The following SLC44A1 variants were observed in gnomAD, a reference collection of about 807,000 sequenced individuals.
SLC44A1 encodes choline transporter-like protein 1.
In SLC44A1, 26 loss-of-function variants were observed where a neutral mutation model predicts 79.3. The ratio of observed to expected loss-of-function variants is 0.33; its 90% CI spans 0.24 to 0.46. The LOEUF (loss-of-function observed/expected upper bound fraction) is 0.46, where lower values mean the gene tolerates loss of function less well. Among genes scored for constraint, SLC44A1 ranks in the 20% least tolerant of loss-of-function variants. The pLI is 1.00. For missense variants in SLC44A1, 688 were observed against 798.1 expected (o/e 0.86, Z 1.66); for synonymous variants, 263 against 286.2 (o/e 0.92, Z 0.82).
At chr9:105,370,998 C>T (rs1386568548) in intron 12 of SLC44A1, among the ~76,000 whole-genome samples, 3 of 152,190 alleles carry the variant, frequency 2.0e-5, no homozygotes, top group Admixed American at 2.0e-4. Context: ...GCTCATTAGT[C>T]TCTTGATTAT....
chr9:105,300,961 G>A (rs1216369069), intron 2 of SLC44A1, among the ~76,000 whole-genome samples: 5 of 151,864 alleles, frequency 3.3e-5, no homozygotes, highest in Admixed American at 6.6e-5. Context: ...TTTTAGATGG[G>A]GTTTCACCGT....
chr9:105,424,435 C>T (rs1010495535), intron 15 of SLC44A1, among the ~76,000 whole-genome samples: 12 of 152,198 alleles, frequency 7.9e-5, no homozygotes, highest in African/African-American at 2.6e-4. Context: ...TGGGCTGGGG[C>T]GAGGAGTGGG....
At chr9:105,378,034 G>T (rs7030603) in intron 13 of SLC44A1, among the ~76,000 whole-genome samples, 1,872 of 152,268 alleles carry the variant, frequency 0.012, 45 homozygotes, top group African/African-American at 0.043. Context: ...GATCACTTGA[G>T]GTCAGGAGTT....
At chr9:105,285,384 AAT>A (rs1830449670) in intron 1 of SLC44A1, among the ~76,000 whole-genome samples, 2 of 152,348 alleles carry the variant, frequency 1.3e-5, no homozygotes, top group South Asian at 4.1e-4. Context: ...CAAAAGACAA[AAT>A]ATGTTAATAA....
rs905538873 is a variant in SLC44A1 at position 105,271,824 on chromosome 9, G to C, written c.36+26920G>C. ...AGACGGGGTTTCGCTATGTTGGCCA[G>C]GCTGGTCTCAAACTCCTGACCTCAG... On this transcript the variant is annotated intron_variant, in intron 1 of 15. Coordinates refer to ENST00000374720, the MANE Select transcript of SLC44A1 (RefSeq NM_080546.5). Among the ~76,000 whole-genome samples the C allele has an allele frequency of 8.5e-5, 13 of 152,114 alleles. 1 individual carries two copies. The highest frequency in any genetic ancestry group is 2.9e-4 in the African/African-American group (12 of 41,444).
chr9:105,302,477 T>A (rs1482287281), intron 2 of SLC44A1, among the ~76,000 whole-genome samples: 1 of 151,864 alleles, frequency 6.6e-6, no homozygotes, highest in Non-Finnish European at 1.5e-5. Context: ...CTCGGCCTCC[T>A]GAGTAGCTGA....
intron 13 of SLC44A1, among the ~76,000 whole-genome samples, chr9:105,380,609 T>A (rs1394122842): frequency 6.6e-6 from 1 of 152,068 alleles, no homozygotes; most frequent in Non-Finnish European, 1.5e-5. Flanking sequence ...TATATATAGC[T>A]GTTACTAATA....
rs75269488 is a variant in SLC44A1, at chr9:105,345,992, G to GA, written c.407-2350dup. Among the ~76,000 whole-genome samples, 856 of 112,246 alleles carry GA rather than the reference G, an allele frequency of 7.6e-3. 3 individuals carry two copies. The highest frequency in any genetic ancestry group is 0.035 in the East Asian group (135 of 3,830). 73.6% of individuals were successfully genotyped at this position (112,246 alleles called of 152,430 possible). ...GCTAAGTATTTTTTATACTTTCACT[G>GA]AAAAAAAAAAAAAAAACACATACTA... On this transcript the variant is annotated intron_variant, in intron 4 of 15. Coordinates refer to ENST00000374720, the MANE Select transcript of SLC44A1 (RefSeq NM_080546.5).
At chr9:105,330,155 G>C (rs1826705454) in intron 3 of SLC44A1, among the ~76,000 whole-genome samples, 1 of 152,108 alleles carries the variant, frequency 6.6e-6, no homozygotes, top group African/African-American at 2.4e-5. Flanking sequence ...ATACCACATA[G>C]AGTACAGCCC....
At chr9:105,417,413 G>A (rs1829185542) in intron 15 of SLC44A1, among the ~76,000 whole-genome samples, 3 of 152,042 alleles carry the variant, frequency 2.0e-5, no homozygotes, top group Admixed American at 2.0e-4. Context: ...CCTCCTGCTT[G>A]GTCTTCAGCC....
intron 2 of SLC44A1, among the ~76,000 whole-genome samples, chr9:105,308,065 C>T (rs1214963744): frequency 1.1e-4 from 17 of 152,196 alleles, no homozygotes; most frequent in Non-Finnish European, 1.5e-5. Flanking sequence ...ATTCTCATAA[C>T]AGCCTTTGTG....
At chr9:105,343,666 A>G (rs893066295) in intron 4 of SLC44A1, among the ~76,000 whole-genome samples, 23 of 152,228 alleles carry the variant, frequency 1.5e-4, no homozygotes, top group African/African-American at 5.3e-4. Context: ...TTTAAAAAGA[A>G]GGAAGATCCT....
intron 3 of SLC44A1, among the ~76,000 whole-genome samples, chr9:105,333,351 C>G (rs1826812969): frequency 6.6e-6 from 1 of 152,160 alleles, no homozygotes; most frequent in Non-Finnish European, 1.5e-5. Flanking sequence ...ATGCCTCTCT[C>G]CCATCCCAGT....
At chr9:105,284,679 A>G (rs929865058) in intron 1 of SLC44A1, among the ~76,000 whole-genome samples, 3 of 152,156 alleles carry the variant, frequency 2.0e-5, no homozygotes, top group African/African-American at 7.2e-5. Context: ...TGCGGTAGCT[A>G]TATGAAAAGT....
chr9:105,338,853 C>A (rs969008369), intron 4 of SLC44A1, among the ~76,000 whole-genome samples: 2 of 152,106 alleles, frequency 1.3e-5, no homozygotes, highest in Non-Finnish European at 2.9e-5. Flanking sequence ...AATATATAGA[C>A]CTCAATCATT....
intron 6 of SLC44A1, 69 bp downstream of exon 6, chr9:105,356,450 A>G: frequency 9.8e-7 from 1 of 1,025,096 alleles, no homozygotes; most frequent in Non-Finnish European, 1.4e-6. Context: ...CTTTTAGCCA[A>G]AATATGAATA....
At chr9:105,321,519 C>A (rs1826392625) in intron 3 of SLC44A1, among the ~76,000 whole-genome samples, 1 of 151,904 alleles carries the variant, frequency 6.6e-6, no homozygotes, top group Non-Finnish European at 1.5e-5. Context: ...TAACTAGTTG[C>A]AGCAAATCAT....
chr9:105,364,799 CTG>C, intron 10 of SLC44A1, 79 bp downstream of exon 10: 3 of 1,081,890 alleles, frequency 2.8e-6, no homozygotes, highest in Non-Finnish European at 2.7e-6. Context: ...GGGAATCAGA[CTG>C]GGGCTGGCAG....
At position 105,395,890 on chromosome 9, in the gene SLC44A1, G is replaced by A. The variant is rs912461969; in HGVS notation, c.*6834G>A. On this transcript the variant is annotated 3_prime_UTR_variant, in exon 16 of 16. Coordinates refer to ENST00000374720, the MANE Select transcript of SLC44A1 (RefSeq NM_080546.5). ...TCTTCATTTACCATGTTGATAATCCGGTGGTGACTTTTTTTTTTTTTTTGT... is the reference window on the plus strand; with the variant it reads ...TCTTCATTTACCATGTTGATAATCCAGTGGTGACTTTTTTTTTTTTTTTGT... 16 of 978,554 alleles carry A rather than the reference G, an allele frequency of 1.6e-5. No individual in the cohort carries two copies. The highest frequency in any genetic ancestry group is 1.3e-4 in the African/African-American group (7 of 55,410). The allele number at this position is 978,554 out of a possible 1,614,324, so 60.6% of individuals were successfully genotyped here.
Sources: gnomAD v4.1 joint callset for allele counts (sites outside exome capture counted in the v4.1 genomes callset) on GRCh38, gnomAD v4.1.1 for gene constraint, MANE v1.5 for transcripts, NCBI Gene and HGNC (gene_info 2026-07-23, HGNC 2026-07-21) for gene names.